Variants in MTRF1 observed in about 807,000 individuals in gnomAD.
The protein encoded by MTRF1 is peptide chain release factor 1, mitochondrial.
MTRF1 carries 51 observed loss-of-function variants against 62.9 expected under a neutral mutation model. That is an observed-to-expected ratio of 0.81 (90% CI 0.65 to 1.02). MTRF1 has a LOEUF of 1.02. MTRF1 is among the 50% of genes least tolerant of loss of function. The pLI is 0.00. For missense variants in MTRF1, 446 were observed against 530.0 expected, an observed-to-expected ratio of 0.84 and a Z score of 1.56; for synonymous variants, 158 against 181.9, an observed-to-expected ratio of 0.87 and a Z score of 1.06.
intron 6 of MTRF1, among the ~76,000 whole-genome samples, chr13:41,239,982 G>A (rs1204841968): frequency 6.6e-6 from 1 of 152,090 alleles, no homozygotes; most frequent in African/African-American, 2.4e-5. Context: ...CCAACATGGT[G>A]AAAACCTGTC....
chr13:41,296,851 G>A, the MTRF1 span, among the ~76,000 whole-genome samples: 3,868 of 152,000 alleles, frequency 0.025, 162 homozygotes, highest in African/African-American at 0.086. Context: ...AATGCTGCAC[G>A]TAATAGCAAT....
Position 41,263,526 on chromosome 13 carries a change from T to A in MTRF1, c.-50A>T, listed in dbSNP as rs1055457969. ...TACACGTTAGCTCTCTTTACTGAGG[T>A]CGGAACCTTCCGAGACCCGCCACAT... On this transcript the variant is annotated 5_prime_UTR_variant, in exon 1 of 10. Coordinates refer to ENST00000379480, the MANE Select transcript of MTRF1 (RefSeq NM_004294.4). 5.6e-5 allele frequency: 13 copies of A among 233,412 alleles called. No individual in the cohort carries two copies. The East Asian group carries it at 1.0e-3, about 18-fold the overall frequency. 14.5% of individuals were successfully genotyped at this position (233,412 alleles called of 1,614,324 possible). A position where few individuals can be genotyped will look rare whatever the true frequency, so the allele number is the denominator to read the frequency against.
the MTRF1 span, among the ~76,000 whole-genome samples, chr13:41,272,637 G>A: frequency 6.6e-6 from 1 of 152,140 alleles, no homozygotes; most frequent in Non-Finnish European, 1.5e-5. Context: ...TGTTAAACCA[G>A]TCAAGACAAA....
At chr13:41,276,354 T>C in the MTRF1 span, among the ~76,000 whole-genome samples, 2 of 152,004 alleles carry the variant, frequency 1.3e-5, no homozygotes, top group Non-Finnish European at 2.9e-5. Context: ...GTACTTTTAG[T>C]AGAGATGAGG....
At chr13:41,259,063 A>G (rs1435687996) in intron 2 of MTRF1, among the ~76,000 whole-genome samples, 1 of 152,226 alleles carries the variant, frequency 6.6e-6, no homozygotes, top group Non-Finnish European at 1.5e-5. Flanking sequence ...CAAAACCACA[A>G]TAACACACCA....
the MTRF1 span, among the ~76,000 whole-genome samples, chr13:41,272,742 C>T: frequency 6.6e-6 from 1 of 152,142 alleles, no homozygotes. Flanking sequence ...CTCATCTTCC[C>T]TGCTGGGTGC....
chr13:41,252,728 C>A lies in MTRF1; in HGVS notation c.614G>T (p.Arg205Leu), dbSNP rs146179881. 2 of 1,613,406 alleles carry A rather than the reference C, an allele frequency of 1.2e-6. No individual in the cohort carries two copies. The highest frequency in any genetic ancestry group is 4.5e-5 in the East Asian group (2 of 44,790). The change falls in exon 5 of 10, where the codon CGA (arginine) becomes CTA (leucine). Residue 205 changes from arginine (R) to leucine (L), a missense_variant. By Grantham distance (102) the Arg-to-Leu change is moderately radical (BLOSUM62 -2). Coordinates refer to ENST00000379480, the MANE Select transcript of MTRF1 (RefSeq NM_004294.4). ...TGGDICQQFT[R>L]EIFDMYQNYS... ...ATTCTGGTACATGTCAAATATTTCT[C>A]GGGTAAATTGTTGGCAGATGTCACC...
At chr13:41,263,229 G>GAAAACAAAAC (rs772710787) in intron 1 of MTRF1, 1 of 1,280,614 alleles carries the variant, frequency 7.8e-7, no homozygotes, top group Non-Finnish European at 1.0e-6. Context: ...CAACATTAAG[G>GAAAACAAAAC]AAAACAAAAC....
the MTRF1 span, among the ~76,000 whole-genome samples, chr13:41,296,674 G>T: frequency 6.6e-6 from 1 of 151,810 alleles, no homozygotes; most frequent in Admixed American, 6.6e-5. Flanking sequence ...ATAATATTTT[G>T]TCAGTCATAA....
At chr13:41,302,079 T>G in the MTRF1 span, among the ~76,000 whole-genome samples, 1 of 152,054 alleles carries the variant, frequency 6.6e-6, no homozygotes, top group Non-Finnish European at 1.5e-5. Flanking sequence ...TAGGCTGGAG[T>G]GCAGTGGCAC....
chr13:41,301,897 G>A, the MTRF1 span, among the ~76,000 whole-genome samples: 5 of 152,202 alleles, frequency 3.3e-5, no homozygotes, highest in Non-Finnish European at 5.9e-5. Flanking sequence ...ATGACTCCCA[G>A]TCTCTTCTCT....
intron 9 of MTRF1, chr13:41,220,551 C>T (rs1162753603): frequency 7.8e-7 from 1 of 1,280,206 alleles, no homozygotes; most frequent in South Asian, 1.2e-5. Flanking sequence ...CAGAAGAAGT[C>T]ATAATGAGAA....
At chr13:41,302,850 C>A in the MTRF1 span, among the ~76,000 whole-genome samples, 1 of 152,072 alleles carries the variant, frequency 6.6e-6, no homozygotes, top group Non-Finnish European at 1.5e-5. Flanking sequence ...AAGCACTTGG[C>A]AACTTGAGAA....
intron 6 of MTRF1, chr13:41,235,836 CACAG>C (rs1385935462): frequency 3.1e-5 from 3 of 97,014 alleles, no homozygotes; most frequent in Non-Finnish European, 4.5e-5. Flanking sequence ...TATACACAGA[CACAG>C]ACACACACAC....
chr13:41,286,251 C>T, the MTRF1 span, among the ~76,000 whole-genome samples: 1 of 152,150 alleles, frequency 6.6e-6, no homozygotes, highest in Non-Finnish European at 1.5e-5. Flanking sequence ...CCTGCCACTT[C>T]TTTGGAAGTG....
At chr13:41,304,659 G>T in the MTRF1 span, among the ~76,000 whole-genome samples, 4 of 152,150 alleles carry the variant, frequency 2.6e-5, no homozygotes, top group Non-Finnish European at 5.9e-5. Context: ...ACCTACCCAG[G>T]TTCCCATGCT....
At chr13:41,307,997 C>T in the MTRF1 span, among the ~76,000 whole-genome samples, 1 of 152,084 alleles carries the variant, frequency 6.6e-6, no homozygotes, top group Non-Finnish European at 1.5e-5. Context: ...TGCGTGACTG[C>T]GCTTCCCTGG....
chr13:41,227,777 C>CTA (rs1263728834), intron 7 of MTRF1, among the ~76,000 whole-genome samples: 2 of 152,212 alleles, frequency 1.3e-5, no homozygotes, highest in Non-Finnish European at 2.9e-5. Context: ...ATTCTCTGAA[C>CTA]TATGTTTTCT....
At chr13:41,234,695 C>A (rs566794599) in intron 6 of MTRF1, among the ~76,000 whole-genome samples, 1 of 152,326 alleles carries the variant, frequency 6.6e-6, no homozygotes, top group South Asian at 2.1e-4. Context: ...TTTGTATCCA[C>A]AAATCAACAC....
Sources: allele counts gnomAD v4.1 joint callset (sites outside exome capture counted in the v4.1 genomes callset), GRCh38; gene constraint gnomAD v4.1.1; transcripts MANE v1.5; gene names NCBI Gene and HGNC (gene_info 2026-07-23, HGNC 2026-07-21).